GRIN2C: variants seen among roughly 807,000 people sequenced by gnomAD.
The protein encoded by GRIN2C is glutamate ionotropic receptor NMDA type subunit 2C, also known as glutamate receptor ionotropic, NMDA 2C.
GRIN2C carries 64 observed loss-of-function variants against 77.7 expected under a neutral mutation model. The ratio of observed to expected loss-of-function variants is 0.82; its 90% CI spans 0.67 to 1.01. The LOEUF (loss-of-function observed/expected upper bound fraction) is 1.01, where lower values mean the gene tolerates loss of function less well. GRIN2C is among the 50% of genes least tolerant of loss of function. The probability of loss-of-function intolerance (pLI) is 0.00; values close to 1 mark genes in which losing one functional copy is unlikely to be tolerated. For missense variants in GRIN2C, 1,549 were observed against 1,486.0 expected, an observed-to-expected ratio of 1.04 and a Z score of -0.70; for synonymous variants, 792 against 643.4, an observed-to-expected ratio of 1.23 and a Z score of -3.49.
rs769299994 is a variant in GRIN2C, at chr17:74,849,839, G to A, written c.1586C>T (p.Thr529Met). The A allele has an allele frequency of 3.0e-5, 48 of 1,613,068 alleles. No homozygotes were observed. The highest frequency in any genetic ancestry group is 1.1e-4 in the South Asian group (10 of 91,004). The part of the protein sequence containing the change: ...IVDFSVPFVE[T>M]GISVMVARSN... ...GCGAGCCACCATCACACTGATGCCC[G>A]TCTCCACAAAGGGTACAGAGAAGTC... The change falls in exon 7 of 13, where the codon ACG becomes ATG. Residue 529 changes from threonine (T) to methionine (M), a missense_variant. By Grantham distance (81) the Thr-to-Met change is moderately conservative. Coordinates refer to ENST00000293190, the MANE Select transcript of GRIN2C (RefSeq NM_000835.6). The surrounding 1 kb of genome is among the most constrained non-coding windows in gnomAD (Gnocchi z 4.6).
upstream of GRIN2C, among the ~76,000 whole-genome samples, chr17:74,861,106 G>C (rs943495224): frequency 6.6e-6 from 1 of 152,214 alleles, no homozygotes; most frequent in African/African-American, 2.4e-5. Flanking sequence ...GCCGCGCCAA[G>C]CGAAGGAGGA....
Position 74,847,698 on chromosome 17 carries a change from T to TTG in GRIN2C, c.1771+153_1771+154insCA, listed in dbSNP as rs749982235. Reference sequence around the variant, plus strand: ...AGGTGAAGTGAGCTCACGTGTGTGTTTCTGTGTGTGTGTGTCATCTGACTG... The same window carrying TTG: ...AGGTGAAGTGAGCTCACGTGTGTGTTTGTCTGTGTGTGTGTGTCATCTGACTG... On this transcript the variant is annotated intron_variant, in intron 8 of 12. Transcript: ENST00000293190. The surrounding 1 kb of genome is among the most constrained non-coding windows in gnomAD (Gnocchi z 5.2). Among the ~76,000 whole-genome samples, 184 of 151,982 alleles carry TTG rather than the reference T, an allele frequency of 1.2e-3. No individual in the cohort carries two copies. The highest frequency in any genetic ancestry group is 1.8e-3 in the African/African-American group (76 of 41,456).
intron 2 of GRIN2C, chr17:74,854,391 C>T: frequency 3.0e-6 from 1 of 332,376 alleles, no homozygotes; most frequent in African/African-American, 2.1e-5. Context: ...GGTCTTCACC[C>T]TGACCTAGGA....
At chr17:74,848,778 G>A (rs913796969) in intron 7 of GRIN2C, among the ~76,000 whole-genome samples, 4 of 152,136 alleles carry the variant, frequency 2.6e-5, no homozygotes, top group Non-Finnish European at 4.4e-5. Flanking sequence ...CATTTTGGGC[G>A]GCTGAGGCAG....
At chr17:74,852,708 T>A in intron 2 of GRIN2C, 97 bp from the exon 3 acceptor site, 2 of 557,018 alleles carry the variant, frequency 3.6e-6, no homozygotes, top group Non-Finnish European at 2.9e-6. Flanking sequence ...CAGGCGCCCT[T>A]GCGCCGGCGG....
Position 74,851,641 on chromosome 17 carries a change from C to T in GRIN2C, c.1049G>A (p.Gly350Asp), listed in dbSNP as rs779394759. 7.6e-6 allele frequency: 12 copies of T among 1,574,974 alleles called. No individual in the cohort carries two copies. The East Asian group carries it at 2.8e-4, about 37-fold the overall frequency. The change falls in exon 4 of 13, where the codon GGT (glycine) becomes GAT (aspartate). Residue 350 changes from glycine to aspartate, a missense_variant. Gly to Asp is a moderately conservative substitution (Grantham distance 94). Around this residue, in one of 3 missense-constraint regions of GRIN2C, gnomAD observed 717 missense variants for 858.1 expected, o/e 0.84. Coordinates refer to ENST00000293190, the MANE Select transcript of GRIN2C (RefSeq NM_000835.6). The part of the protein sequence containing the change: ...WEGRDFSFSP[G>D]GYLVQPTMVV... ...CATGGTGGGCTGGACCAGGTACCCA[C>T]CAGGGCTGAAGGAGAAGTCTCGGCC...
chr17:74,850,474 C>G lies in GRIN2C; in HGVS notation c.1325+82G>C. 1.3e-6 allele frequency: 2 copies of G among 1,570,868 alleles called. No homozygotes were observed. Among genetic ancestry groups the G allele is most frequent in the Non-Finnish European group, 1.7e-6 (2 of 1,146,634 alleles). ...CTGGCACGTGGACCCCTGCCCCACA[C>G]CCAAGCATGGGACATACACGACACC... On this transcript the variant is annotated intron_variant, in intron 5 of 12. Transcript: ENST00000293190. The surrounding 1 kb of genome is among the most constrained non-coding windows in gnomAD (Gnocchi z 5.3).
In GRIN2C at chr17:74,854,511, A is replaced by C. The variant is rs2037755217; in HGVS notation, c.399+183T>G. Reference sequence around the variant, plus strand: ...AGACACAATGTGAGGTCAGCCCAGAATATCTCTCCTCTAGAACATGGGATG... The same window carrying C: ...AGACACAATGTGAGGTCAGCCCAGACTATCTCTCCTCTAGAACATGGGATG... On this transcript the variant is annotated intron_variant, in intron 2 of 12. Transcript: ENST00000293190. The C allele has an allele frequency of 1.4e-5, 8 of 588,890 alleles. No individual in the cohort carries two copies. The South Asian group carries it at 1.4e-4, about 10-fold the overall frequency. 36.5% of individuals were successfully genotyped at this position (588,890 alleles called of 1,614,324 possible).
intron 2 of GRIN2C, chr17:74,854,414 C>G: frequency 2.6e-6 from 1 of 378,370 alleles, no homozygotes; most frequent in East Asian, 4.4e-5. Flanking sequence ...CTGAGGGAAG[C>G]AGAGAGGAGG....
rs2037789737 is a variant in GRIN2C, at chr17:74,855,256, G to A, written c.-15-149C>T. 4.8e-6 allele frequency: 3 copies of A among 619,912 alleles called. No homozygotes were observed. In the South Asian group the frequency reaches 7.4e-5, roughly 15 times the overall value. 38.4% of individuals were successfully genotyped at this position (619,912 alleles called of 1,614,324 possible). On this transcript the variant is annotated intron_variant, in intron 1 of 12. Transcript: ENST00000293190. The stretch of plus-strand genomic sequence containing the variant: ...TCCCCGAAGAGAGGCGGAGAGAGAG[G>A]GAGACAGACAGACACGGACAAAGAG...
intron 11 of GRIN2C, among the ~76,000 whole-genome samples, chr17:74,845,547 G>C (rs1179014356): frequency 6.6e-6 from 1 of 152,102 alleles, no homozygotes; most frequent in Non-Finnish European, 1.5e-5. Context: ...TGGGGTTATA[G>C]CCATGAGCCA....
intron 12 of GRIN2C, chr17:74,844,019 G>A (rs528490414): frequency 8.9e-5 from 58 of 654,310 alleles, no homozygotes; most frequent in South Asian, 6.1e-4. Context: ...GACTGCAGGC[G>A]CGCACCACCA....
chr17:74,854,912 C>G lies in GRIN2C; in HGVS notation c.181G>C (p.Glu61Gln). 2.5e-6 allele frequency: 4 copies of G among 1,613,480 alleles called. No individual in the cohort carries two copies. The highest frequency in any genetic ancestry group is 3.4e-6 in the Non-Finnish European group (4 of 1,179,714). ...TPQSFLDLPL[E>Q]IQPLTVGVNT... The stretch of plus-strand genomic sequence containing the variant: ...ACCCCAACTGTGAGCGGCTGGATCT[C>G]CAGGGGTAGGTCCAGGAAGCTCTGG... The change falls in exon 2 of 13, where the codon GAG (glutamate) becomes CAG (glutamine). Residue 61 changes from glutamate (E) to glutamine (Q), a missense_variant. Physicochemically the swap from Glu to Gln is conservative, Grantham distance 29. Transcript: ENST00000293190.
chr17:74,855,237 A>C (rs2037788531), intron 1 of GRIN2C, 130 bp from the exon 2 acceptor site: 1 of 674,374 alleles, frequency 1.5e-6, no homozygotes, highest in African/African-American at 1.8e-5. Context: ...TCCCTCCCCG[A>C]AGAGAGGCGG....
Position 74,850,692 on chromosome 17 carries a change from C to A in GRIN2C, c.1189G>T (p.Val397Leu). 6.2e-7 allele frequency: 1 copy of A among 1,613,674 alleles called. No individual in the cohort carries two copies. Among genetic ancestry groups the A allele is most frequent in the East Asian group, 2.2e-5 (1 of 44,884 alleles). ...WPRYSASLQP[V>L]VDSRHLTVAT... ...ACCGTCAGGTGCCGACTGTCCACCACAGGCTGCAGAGAGGCACTGTAGCGA... is the reference window on the plus strand; with the variant it reads ...ACCGTCAGGTGCCGACTGTCCACCAAAGGCTGCAGAGAGGCACTGTAGCGA... Residue 397 changes from valine to leucine, a missense_variant, in exon 5 of 13, where the codon GTG becomes TTG. By Grantham distance (32) the Val-to-Leu change is conservative. Transcript: ENST00000293190. The surrounding 1 kb of genome is among the most constrained non-coding windows in gnomAD (Gnocchi z 5.3).
intron 11 of GRIN2C, 134 bp downstream of exon 11, chr17:74,845,932 C>A: frequency 1.3e-6 from 1 of 795,930 alleles, no homozygotes; most frequent in Non-Finnish European, 2.1e-6. Flanking sequence ...CTGCCCACCT[C>A]AGCTGCCCCA....
At position 74,847,761 on chromosome 17, in the gene GRIN2C, C is replaced by T; in HGVS notation, c.1771+91G>A. On this transcript the variant is annotated intron_variant, in intron 8 of 12. Transcript: ENST00000293190. The surrounding 1 kb of genome is among the most constrained non-coding windows in gnomAD (Gnocchi z 5.2). ...TGCCATCCAAAAGCAAGGGACCTCC[C>T]AAAGGTATTCTCTGAAGGACCCGTT... 1 of 1,381,380 alleles carries T rather than the reference C, an allele frequency of 7.2e-7. No individual in the cohort carries two copies. The highest frequency in any genetic ancestry group is 1.0e-6 in the Non-Finnish European group (1 of 985,554). 85.6% of individuals were successfully genotyped at this position (1,381,380 alleles called of 1,614,324 possible). A position where few individuals can be genotyped will look rare whatever the true frequency, so the allele number is the denominator to read the frequency against.
At position 74,846,706 on chromosome 17, in the gene GRIN2C, G is replaced by A; in HGVS notation, c.2162+54C>T. The stretch of plus-strand genomic sequence containing the variant: ...TGTCCCCACATTGAGAGCTAAGGCT[G>A]GTCACTGGGGAGACACACGGATGAA... On this transcript the variant is annotated intron_variant, in intron 10 of 12. Transcript: ENST00000293190. This position sits in a 1 kb window ranked among gnomAD's most constrained non-coding sequence, Gnocchi z 4.4. 6.4e-7 allele frequency: 1 copy of A among 1,559,170 alleles called. No individual in the cohort carries two copies. The highest frequency in any genetic ancestry group is 8.8e-7 in the Non-Finnish European group (1 of 1,140,054).
intron 4 of GRIN2C, 169 bp downstream of exon 4, chr17:74,851,408 C>T (rs2037638519): frequency 1.4e-5 from 8 of 584,676 alleles, no homozygotes; most frequent in Non-Finnish European, 2.2e-5. Flanking sequence ...TCACCCACCC[C>T]GGGGCACCTG....
Sources: gnomAD v4.1 joint callset for allele counts (sites outside exome capture counted in the v4.1 genomes callset) on GRCh38, gnomAD v4.1.1 for gene constraint, gnomAD v4.1.1 regional missense constraint, Gnocchi (gnomAD v3.1) non-coding constraint, MANE v1.5 for transcripts, NCBI Gene and HGNC (gene_info 2026-07-23, HGNC 2026-07-21) for gene names.